PPP1R13L: variants seen among roughly 807,000 people sequenced by gnomAD.
PPP1R13L encodes protein phosphatase 1 regulatory subunit 13 like.
Under a neutral mutation model 80.9 loss-of-function variants are expected in PPP1R13L, and 50 were observed. The ratio of observed to expected loss-of-function variants is 0.62; its 90% CI spans 0.49 to 0.78. The LOEUF (loss-of-function observed/expected upper bound fraction) is 0.78. Ranked by LOEUF, PPP1R13L falls within the 30% of genes least tolerant of loss-of-function variation. The pLI is 0.00. For missense variants in PPP1R13L, 1,200 were observed against 1,205.9 expected, an observed-to-expected ratio of 1.00 and a Z score of 0.07; for synonymous variants, 602 against 534.3, an observed-to-expected ratio of 1.13 and a Z score of -1.75.
At chr19:45,392,377 C>G in intron 7 of PPP1R13L, 37 bp from the exon 8 acceptor site, 1 of 1,592,542 alleles carries the variant, frequency 6.3e-7, no homozygotes, top group South Asian at 1.1e-5. Flanking sequence ...GACAGGTCCC[C>G]AGGAGACACC....
rs1189337847 is a variant in PPP1R13L at position 45,397,968 on chromosome 19, G to A, written c.198+37C>T. The A allele has an allele frequency of 7.6e-6, 12 of 1,587,138 alleles. No individual in the cohort carries two copies. In the Admixed American group the frequency reaches 1.0e-4, roughly 14 times the overall value. On this transcript the variant is annotated intron_variant, in intron 3 of 12. Transcript: ENST00000360957. ...GCCTCTGGTCTGGACTGTGGCGAGA[G>A]GCTGGCTTTGGAGATCAAGGTGGGA...
Position 45,385,745 on chromosome 19 carries a change from G to A in PPP1R13L, c.2082-17C>T. 1.2e-6 allele frequency: 2 copies of A among 1,607,954 alleles called. No individual in the cohort carries two copies. The highest frequency in any genetic ancestry group is 8.5e-7 in the Non-Finnish European group (1 of 1,177,126). On this transcript the variant is annotated splice_polypyrimidine_tract_variant and intron_variant, in intron 10 of 12. Transcript: ENST00000360957. ...AAGGGTGTCCTAGGCGTGGGGGTGG[G>A]GGGTTGCGGGGAACGATGCGTGAGA...
intron 3 of PPP1R13L, among the ~76,000 whole-genome samples, chr19:45,397,335 T>C (rs939603821): frequency 5.9e-5 from 9 of 151,858 alleles, no homozygotes; most frequent in Admixed American, 5.9e-4. Flanking sequence ...CTTCCACTGG[T>C]CCCCTCTTTT....
Position 45,380,019 on chromosome 19 carries a change from C to T in PPP1R13L, c.*171G>A. On this transcript the variant is annotated 3_prime_UTR_variant, in exon 13 of 13. Coordinates refer to ENST00000360957, the MANE Select transcript of PPP1R13L (RefSeq NM_006663.4). ...CTAAGGCAGATTACTAAATTTAAGG[C>T]TGGGGCCCTCCTTCTTCCCTGGACT... 1 of 726,588 alleles carries T rather than the reference C, an allele frequency of 1.4e-6. No individual in the cohort carries two copies. Among genetic ancestry groups the T allele is most frequent in the Admixed American group, 2.4e-5 (1 of 42,424 alleles). 45.0% of individuals were successfully genotyped at this position (726,588 alleles called of 1,614,324 possible). A position where few individuals can be genotyped will look rare whatever the true frequency, so the allele number is the denominator to read the frequency against.
Position 45,396,173 on chromosome 19 carries a change from C to A in PPP1R13L, c.898G>T (p.Gly300Cys). 1.2e-6 allele frequency: 2 copies of A among 1,607,122 alleles called. No individual in the cohort carries two copies. Among genetic ancestry groups the A allele is most frequent in the Non-Finnish European group, 1.7e-6 (2 of 1,177,914 alleles). Residue 300 changes from glycine to cysteine, a missense_variant, in exon 6 of 13, where the codon GGC becomes TGC. Gly to Cys is a radical substitution (Grantham distance 159, BLOSUM62 -3). This residue lies in a region of PPP1R13L where 764 missense variants were observed against 714.5 expected (regional missense o/e 1.07). Transcript: ENST00000360957. This position sits in a 1 kb window ranked among gnomAD's most constrained non-coding sequence, Gnocchi z 5.3. ...ESSLDGLGGT[G>C]KDNLTSATLP... is the part of the protein sequence containing the mutation. ...CCCAGGCGTCGCCTCCTCACCTTGCCGGTGCCCCCCAGTCCATCCAGGCTG... is the reference window on the plus strand; with the variant it reads ...CCCAGGCGTCGCCTCCTCACCTTGCAGGTGCCCCCCAGTCCATCCAGGCTG...
Position 45,396,818 on chromosome 19 carries a change from C to A in PPP1R13L, c.439G>T (p.Asp147Tyr), listed in dbSNP as rs553559907. 2.6e-5 allele frequency: 38 copies of A among 1,447,186 alleles called. 1 individual carries two copies. In the South Asian group the frequency reaches 4.9e-4, roughly 19 times the overall value. The allele number at this position is 1,447,186 out of a possible 1,614,324, so 89.6% of individuals were successfully genotyped here. The change falls in exon 4 of 13, where the codon GAT (aspartate) becomes TAT (tyrosine). Residue 147 changes from aspartate to tyrosine, a missense_variant. This residue lies in a region of PPP1R13L where 764 missense variants were observed against 714.5 expected (regional missense o/e 1.07). Coordinates refer to ENST00000360957, the MANE Select transcript of PPP1R13L (RefSeq NM_006663.4). This position sits in a 1 kb window ranked among gnomAD's most constrained non-coding sequence, Gnocchi z 5.3. ...RATSPRPRAF[D>Y]GAGSSLGRAP... ...CGGCCGAGGGAGCTGCCTGCGCCATCGAAGGCGCGGGGCCGGGGCGAGGTC... is the reference window on the plus strand; with the variant it reads ...CGGCCGAGGGAGCTGCCTGCGCCATAGAAGGCGCGGGGCCGGGGCGAGGTC...
chr19:45,392,570 T>G, intron 7 of PPP1R13L: 1 of 637,824 alleles, frequency 1.6e-6, no homozygotes, highest in South Asian at 1.8e-5. Flanking sequence ...GCCTACCTTA[T>G]TGTAATCTCA....
At chr19:45,391,742 G>A in intron 8 of PPP1R13L, 138 bp downstream of exon 8, 1 of 593,628 alleles carries the variant, frequency 1.7e-6, no homozygotes, top group Non-Finnish European at 2.6e-6. Flanking sequence ...TACAGTCCTG[G>A]GCTGCAAACT....
At chr19:45,381,774 C>CA (rs796756556) in intron 12 of PPP1R13L, among the ~76,000 whole-genome samples, 20,437 of 119,002 alleles carry the variant, frequency 0.17, 3,228 homozygotes, top group African/African-American at 0.44. Context: ...ACACAAAATA[C>CA]AAAAAAAAAA....
At position 45,385,677 on chromosome 19, in the gene PPP1R13L, C is replaced by A. The variant is rs1270902708; in HGVS notation, c.2133G>T (p.Ala711=). The A allele has an allele frequency of 9.3e-6, 15 of 1,612,870 alleles. No individual in the cohort carries two copies. The highest frequency in any genetic ancestry group is 1.3e-5 in the Non-Finnish European group (15 of 1,179,808). ...AGATTGCAGCGCCGTGCTGCACCAG[C>A]GCCATGCAGATGACTGTGTCGTTGC... The part of the protein sequence containing the change: ...ASCNDTVICM[A]LVQHGAAIFA... Residue 711 remains alanine, a synonymous_variant, in exon 11 of 13, where the codon GCG becomes GCT. Transcript: ENST00000360957.
rs184089050 is a variant in PPP1R13L, at chr19:45,396,790, G to A, written c.467C>T (p.Ala156Val). ...FDGAGSSLGR[A>V]PSPRPGPGPL... ...GCCTGGCCCGGGCCGCGGGGAGGGCGCACGGCCGAGGGAGCTGCCTGCGCC... is the reference window on the plus strand; with the variant it reads ...GCCTGGCCCGGGCCGCGGGGAGGGCACACGGCCGAGGGAGCTGCCTGCGCC... The change falls in exon 4 of 13, where the codon GCG becomes GTG. Residue 156 changes from alanine to valine, a missense_variant. Physicochemically the swap from Ala to Val is moderately conservative, Grantham distance 64. Transcript: ENST00000360957. The surrounding 1 kb of genome is among the most constrained non-coding windows in gnomAD (Gnocchi z 5.3). 7.3e-7 allele frequency: 1 copy of A among 1,374,914 alleles called. No individual in the cohort carries two copies. The highest frequency in any genetic ancestry group is 1.7e-5 in the South Asian group (1 of 57,998). The allele number at this position is 1,374,914 out of a possible 1,614,324, so 85.2% of individuals were successfully genotyped here. A position where few individuals can be genotyped will look rare whatever the true frequency, so the allele number is the denominator to read the frequency against.
rs986154165 is a variant in PPP1R13L, at chr19:45,395,840, G to A, written c.950C>T (p.Pro317Leu). 3.1e-6 allele frequency: 5 copies of A among 1,598,204 alleles called. No homozygotes were observed. Among genetic ancestry groups the A allele is most frequent in the Non-Finnish European group, 2.6e-6 (3 of 1,174,026 alleles). The part of the protein sequence containing the change: ...ATLPRNYKVS[P>L]LASDRRSDAG... ...GTCTGAACGCCGGTCGCTGGCCAGA[G>A]GAGAGACCTTGTAATTGCGCGGCAG... The change falls in exon 7 of 13, where the codon CCT becomes CTT. Residue 317 changes from proline (P) to leucine (L), a missense_variant. Pro to Leu is a moderately conservative substitution (Grantham distance 98, BLOSUM62 -3). Around this residue, in one of 5 missense-constraint regions of PPP1R13L, gnomAD observed 764 missense variants for 714.5 expected, o/e 1.07. Coordinates refer to ENST00000360957, the MANE Select transcript of PPP1R13L (RefSeq NM_006663.4).
chr19:45,384,366 C>CAAAAAAAAAAA (rs770216477), intron 11 of PPP1R13L, among the ~76,000 whole-genome samples: 27 of 91,240 alleles, frequency 3.0e-4, no homozygotes, highest in South Asian at 3.8e-4. Flanking sequence ...ACTAAAAATA[C>CAAAAAAAAAAA]AAAAAAAAAA....
In PPP1R13L at chr19:45,385,606, T is replaced by TA; in HGVS notation, c.2203_2204insT (p.Asp735ValfsTer9). 1 of 1,613,070 alleles carries TA rather than the reference T, an allele frequency of 6.2e-7. No individual in the cohort carries two copies. On this transcript the variant is annotated frameshift_variant, in exon 11 of 13. Transcript: ENST00000360957. LOFTEE classifies it high-confidence loss of function. The stretch of plus-strand genomic sequence containing the variant: ...GTCAGCATAACCCTCGCGGTAAGGG[T>TA]CGCACTTCTCGAAGGCGGTGGCGCC...
chr19:45,405,686 C>A (rs1666348188), upstream of PPP1R13L, among the ~76,000 whole-genome samples: 1 of 152,230 alleles, frequency 6.6e-6, no homozygotes, highest in South Asian at 2.1e-4. Flanking sequence ...AAAGCCTCTC[C>A]CACCTGGGGA....
chr19:45,392,280 G>A lies in PPP1R13L; in HGVS notation c.1415C>T (p.Pro472Leu), dbSNP rs373267299. Residue 472 changes from proline to leucine, a missense_variant, in exon 8 of 13, where the codon CCA becomes CTA. Transcript: ENST00000360957. Reference sequence around the variant, plus strand: ...ATCCACATCGCCAGCCTCCAGCACTGGTGTCAGCAGCCCCTCTATCTCCGG... The same window carrying A: ...ATCCACATCGCCAGCCTCCAGCACTAGTGTCAGCAGCCCCTCTATCTCCGG... ...PEPEIEGLLT[P>L]VLEAGDVDEG... 7.1e-5 allele frequency: 115 copies of A among 1,613,468 alleles called. No individual in the cohort carries two copies. The Admixed American group carries it at 9.3e-4, about 13-fold the overall frequency.
chr19:45,384,616 C>T (rs1019228542), intron 11 of PPP1R13L, among the ~76,000 whole-genome samples: 17 of 151,756 alleles, frequency 1.1e-4, no homozygotes, highest in African/African-American at 3.6e-4. Flanking sequence ...CTTTGGGAGG[C>T]CAAGGTGGGC....
chr19:45,401,354 C>CAAA (rs34884152), intron 1 of PPP1R13L, among the ~76,000 whole-genome samples: 154 of 116,402 alleles, frequency 1.3e-3, no homozygotes, highest in African/African-American at 4.5e-3. Flanking sequence ...GACTCCGTCC[C>CAAA]AAAAAAAAAA....
At chr19:45,394,398 C>A (rs1448362391) in intron 7 of PPP1R13L, among the ~76,000 whole-genome samples, 1 of 152,094 alleles carries the variant, frequency 6.6e-6, no homozygotes, top group Non-Finnish European at 1.5e-5. Flanking sequence ...TCTGCATTAG[C>A]CCACCAAACT....
Sources: allele counts gnomAD v4.1 joint callset (sites outside exome capture counted in the v4.1 genomes callset), GRCh38; gene constraint gnomAD v4.1.1; regional missense constraint gnomAD v4.1.1; non-coding constraint Gnocchi (gnomAD v3.1); transcripts MANE v1.5; gene names NCBI Gene and HGNC (gene_info 2026-07-23, HGNC 2026-07-21).